The following DYNAP variants were observed in gnomAD, a reference collection of about 807,000 sequenced individuals.
The protein encoded by DYNAP is dynactin-associated protein.
A neutral mutation model predicts 8.5 loss-of-function variants in DYNAP; 7 were observed. The observed-to-expected ratio is 0.82, with a 90% CI of 0.47 to 1.54. The LOEUF is 1.54. Among genes scored for constraint, DYNAP ranks in the 40% most tolerant of loss-of-function variants. DYNAP has a pLI of 0.01. For missense variants in DYNAP, 256 were observed against 224.3 expected (o/e 1.14, Z -0.90); for synonymous variants, 77 against 77.9 (o/e 0.99, Z 0.06).
At position 54,597,963 on chromosome 18, in the gene DYNAP, T is replaced by C. The variant is rs1911376847; in HGVS notation, c.373T>C (p.Ser125Pro). ...CAATTCCTCCATTGTTATCCAGCTA[T>C]CCACAAATGATGGAGAGTGTGTGAC... ...SANSSIVIQLSTNDGECVTVK... is the reference protein window; with the variant it reads ...SANSSIVIQLPTNDGECVTVK... The change falls in exon 3 of 3, where the codon TCC (serine) becomes CCC (proline). Residue 125 changes from serine (S) to proline (P), a missense_variant. Ser to Pro is a moderately conservative substitution (Grantham distance 74, BLOSUM62 -1). Transcript: ENST00000648945. 1 of 1,613,546 alleles carries C rather than the reference T, an allele frequency of 6.2e-7. No homozygotes were observed. Among genetic ancestry groups the C allele is most frequent in the Non-Finnish European group, 8.5e-7 (1 of 1,179,760 alleles).
chr18:54,591,375 TA>T (rs1229883652), intron 1 of DYNAP, 36 bp downstream of exon 1: 1 of 1,564,494 alleles, frequency 6.4e-7, no homozygotes. Context: ...AGTTTGCCTA[TA>T]TTACAGTTTC....
chr18:54,592,533 C>T (rs1911123612), intron 1 of DYNAP, among the ~76,000 whole-genome samples: 1 of 151,908 alleles, frequency 6.6e-6, no homozygotes, highest in African/African-American at 2.4e-5. Context: ...ATTTTGGTGT[C>T]CTTGTTTTTC....
Position 54,598,257 on chromosome 18 carries a change from T to A in DYNAP, c.*112T>A. The A allele has an allele frequency of 8.7e-7, 1 of 1,149,126 alleles. No individual in the cohort carries two copies. Among genetic ancestry groups the A allele is most frequent in the Non-Finnish European group, 1.2e-6 (1 of 819,296 alleles). 71.2% of individuals were successfully genotyped at this position (1,149,126 alleles called of 1,614,324 possible). A position where few individuals can be genotyped will look rare whatever the true frequency, so the allele number is the denominator to read the frequency against. ...ACTTCAAGTGGAATCATGGCTGCAG[T>A]CACTTTAACAGACTCTATAACCGTT... On this transcript the variant is annotated 3_prime_UTR_variant, in exon 3 of 3. Coordinates refer to ENST00000648945, the MANE Select transcript of DYNAP (RefSeq NM_173629.3).
upstream of DYNAP, among the ~76,000 whole-genome samples, chr18:54,584,295 A>C (rs1446233513): frequency 6.7e-6 from 1 of 148,470 alleles, no homozygotes. Flanking sequence ...ATTAATAATT[A>C]ATATAAATAT....
the DYNAP span, among the ~76,000 whole-genome samples, chr18:54,577,718 C>G: frequency 6.6e-6 from 1 of 151,370 alleles, no homozygotes; most frequent in Admixed American, 6.6e-5. Context: ...GCCTGTAACC[C>G]CAGCACTTTG....
intron 2 of DYNAP, among the ~76,000 whole-genome samples, chr18:54,596,140 A>G (rs1478168185): frequency 6.6e-6 from 1 of 151,684 alleles, no homozygotes; most frequent in Admixed American, 6.6e-5. Flanking sequence ...TGGCACAATC[A>G]TGTCTCACTG....
chr18:54,594,678 A>G (rs1911210860), intron 1 of DYNAP, among the ~76,000 whole-genome samples: 1 of 152,154 alleles, frequency 6.6e-6, no homozygotes, highest in Non-Finnish European at 1.5e-5. Flanking sequence ...AGCTTGCAAC[A>G]TAAGGATATT....
chr18:54,593,648 G>A (rs1911170525), intron 1 of DYNAP, among the ~76,000 whole-genome samples: 1 of 152,070 alleles, frequency 6.6e-6, no homozygotes, highest in Non-Finnish European at 1.5e-5. Flanking sequence ...CTTTTGGCTG[G>A]GTACAGAAGC....
chr18:54,576,561 G>T, the DYNAP span, among the ~76,000 whole-genome samples: 5,582 of 152,136 alleles, frequency 0.037, 335 homozygotes, highest in African/African-American at 0.13. Context: ...CACTTCGGAA[G>T]GCTGAGGTGG....
rs575378047 is a variant in DYNAP at position 54,596,311 on chromosome 18, G to T, written c.222+1208G>T. Among the ~76,000 whole-genome samples, 6 of 152,068 alleles carry T rather than the reference G, an allele frequency of 3.9e-5. No homozygotes were observed. The South Asian group carries it at 1.2e-3, about 32-fold the overall frequency. On this transcript the variant is annotated intron_variant, in intron 2 of 2. Transcript: ENST00000648945. ...TGGTCTCAACCTCCTGGGCTCAAGGGATCCACCCGCTTCAGCCTCCCCAAA... is the reference window on the plus strand; with the variant it reads ...TGGTCTCAACCTCCTGGGCTCAAGGTATCCACCCGCTTCAGCCTCCCCAAA...
chr18:54,577,602 C>CAAA, the DYNAP span, among the ~76,000 whole-genome samples: 2 of 66,310 alleles, frequency 3.0e-5, no homozygotes, highest in African/African-American at 9.2e-5. Flanking sequence ...AATCTTGTTT[C>CAAA]AAAAAAAAAA....
At chr18:54,593,286 C>G (rs1048989688) in intron 1 of DYNAP, among the ~76,000 whole-genome samples, 2 of 152,060 alleles carry the variant, frequency 1.3e-5, no homozygotes, top group Non-Finnish European at 2.9e-5. Context: ...ATGGAACTCA[C>G]TGGTTGGTTG....
chr18:54,597,830 C>T lies in DYNAP; in HGVS notation c.240C>T (p.Arg80=). Residue 80 remains arginine, a synonymous_variant, in exon 3 of 3, where the codon CGC becomes CGT. Coordinates refer to ENST00000648945, the MANE Select transcript of DYNAP (RefSeq NM_173629.3). ...SCNTQVKEYC[R]NDWSMWKVFL... ...ATGCTTAGGTAAAAGAATATTGCCG[C>T]AATGACTGGTCTATGTGGAAAGTCT... 2 of 1,607,110 alleles carry T rather than the reference C, an allele frequency of 1.2e-6. No individual in the cohort carries two copies. The highest frequency in any genetic ancestry group is 1.7e-6 in the Non-Finnish European group (2 of 1,174,732).
upstream of DYNAP, among the ~76,000 whole-genome samples, chr18:54,584,970 A>C (rs1386288169): frequency 6.6e-6 from 1 of 152,140 alleles, no homozygotes; most frequent in African/African-American, 2.4e-5. Context: ...GGGGCAATGG[A>C]TGCTATTTAG....
chr18:54,590,877 G>A (rs534200245), upstream of DYNAP, among the ~76,000 whole-genome samples: 1 of 152,248 alleles, frequency 6.6e-6, no homozygotes, highest in South Asian at 2.1e-4. Flanking sequence ...GTGCCAACAA[G>A]GGGAGAGAGG....
At chr18:54,576,001 A>T in the DYNAP span, among the ~76,000 whole-genome samples, 2 of 152,218 alleles carry the variant, frequency 1.3e-5, no homozygotes, top group African/African-American at 4.8e-5. Flanking sequence ...ATATATTGAA[A>T]TCATACGTGT....
At chr18:54,595,505 T>C (rs1313438307) in intron 2 of DYNAP, among the ~76,000 whole-genome samples, 1 of 151,990 alleles carries the variant, frequency 6.6e-6, no homozygotes, top group Non-Finnish European at 1.5e-5. Flanking sequence ...GGTCCTATTC[T>C]TTTGGCGATC....
At chr18:54,597,438 T>C (rs1456441579) in intron 2 of DYNAP, among the ~76,000 whole-genome samples, 2 of 152,132 alleles carry the variant, frequency 1.3e-5, no homozygotes, top group Non-Finnish European at 2.9e-5. Flanking sequence ...TGTTCTACTC[T>C]GATGGGAGAA....
chr18:54,594,795 ATTT>A, intron 1 of DYNAP, 141 bp from the exon 2 acceptor site: 1 of 881,960 alleles, frequency 1.1e-6, no homozygotes, highest in Non-Finnish European at 1.6e-6. Context: ...ATCTGTCTAG[ATTT>A]TTTTATCTTC....
Sources: gnomAD v4.1 joint callset for allele counts (sites outside exome capture counted in the v4.1 genomes callset) on GRCh38, gnomAD v4.1.1 for gene constraint, MANE v1.5 for transcripts, NCBI Gene and HGNC (gene_info 2026-07-23, HGNC 2026-07-21) for gene names.